The following PCDHA5 variants were observed in gnomAD, a reference collection of about 807,000 sequenced individuals.
PCDHA5 encodes protocadherin alpha 5.
PCDHA5 carries 43 observed loss-of-function variants against 61.6 expected under a neutral mutation model. That is an observed-to-expected ratio of 0.70 (90% CI 0.55 to 0.90). The LOEUF (loss-of-function observed/expected upper bound fraction) is 0.90, where lower values mean the gene tolerates loss of function less well. Ranked by LOEUF, PCDHA5 falls within the 40% of genes least tolerant of loss-of-function variation. The pLI, the probability that PCDHA5 is intolerant of heterozygous loss-of-function variation, is 0.00. For synonymous variants in PCDHA5, 627 were observed against 543.9 expected, an observed-to-expected ratio of 1.15 and a Z score of -2.13; for missense variants, 1,298 against 1,222.7, an observed-to-expected ratio of 1.06 and a Z score of -0.92.
intron 3 of PCDHA5, among the ~76,000 whole-genome samples, chr5:140,985,060 C>A (rs1377386395): frequency 6.6e-6 from 1 of 152,066 alleles, no homozygotes; most frequent in Admixed American, 6.5e-5. Flanking sequence ...GCCTCAGCCT[C>A]CTGAGTAGCT....
intron 1 of PCDHA5, among the ~76,000 whole-genome samples, chr5:140,908,042 C>T (rs2073761027): frequency 1.3e-5 from 2 of 152,196 alleles, no homozygotes; most frequent in African/African-American, 2.4e-5. Context: ...TATATAATTG[C>T]ACATCCGGCC....
At chr5:140,929,050 C>T (rs946542782) in intron 1 of PCDHA5, 11 of 1,614,026 alleles carry the variant, frequency 6.8e-6, no homozygotes, top group African/African-American at 5.3e-5. Flanking sequence ...GAGCTGCTGT[C>T]GCTCTACAGA....
Position 140,823,502 on chromosome 5 carries a change from T to A in PCDHA5, c.1727T>A (p.Val576Glu). ...VPRVGGTGGA[V>E]SELVPRSVGA... ...CGAGTGGGTGGCACCGGCGGCGCAG[T>A]GAGCGAGCTGGTGCCGAGGTCAGTG... The change falls in exon 1 of 4, where the codon GTG (valine) becomes GAG (glutamate). Residue 576 changes from valine (V) to glutamate (E), a missense_variant. Val to Glu is a moderately radical substitution (Grantham distance 121). Transcript: ENST00000529859. 1.4e-5 allele frequency: 23 copies of A among 1,613,260 alleles called. No individual in the cohort carries two copies. Among genetic ancestry groups the A allele is most frequent in the Non-Finnish European group, 1.9e-5 (23 of 1,179,684 alleles).
chr5:140,878,583 T>C (rs1355382396), intron 1 of PCDHA5, among the ~76,000 whole-genome samples: 1 of 152,236 alleles, frequency 6.6e-6, no homozygotes, highest in African/African-American at 2.4e-5. Context: ...CACTGCCCTG[T>C]GCCTATTACC....
At chr5:140,832,585 T>G (rs1306103831) in intron 1 of PCDHA5, among the ~76,000 whole-genome samples, 1 of 152,188 alleles carries the variant, frequency 6.6e-6, no homozygotes, top group Admixed American at 6.5e-5. Flanking sequence ...TCTTAGGAAG[T>G]AGAGAACTAT....
Position 140,823,715 on chromosome 5 carries a change from TG to T in PCDHA5, c.1942del (p.Val648CysfsTer3). On this transcript the variant is annotated frameshift_variant, in exon 1 of 4. Coordinates refer to ENST00000529859, the MANE Select transcript of PCDHA5 (RefSeq NM_018908.3). LOFTEE classifies it high-confidence loss of function. Reference protein sequence around the residue: ...DETEAPRHRLLVLVKDHGEPP... With the variant: ...DETEAPRHRLXVLVKDHGEPP... The stretch of plus-strand genomic sequence containing the variant: ...ACCGAAGCACCGCGCCACCGCCTTC[TG>T]GTGCTGGTGAAGGACCATGGAGAGC... The T allele has an allele frequency of 1.2e-6, 2 of 1,613,918 alleles. No individual in the cohort carries two copies. Among genetic ancestry groups the T allele is most frequent in the Non-Finnish European group, 1.7e-6 (2 of 1,179,930 alleles).
intron 1 of PCDHA5, chr5:140,858,198 C>T (rs1418909754): frequency 1.9e-6 from 3 of 1,597,294 alleles, no homozygotes; most frequent in African/African-American, 2.7e-5. Flanking sequence ...CTGCTGTACA[C>T]TGCACTGAGG....
intron 1 of PCDHA5, among the ~76,000 whole-genome samples, chr5:140,934,801 A>G (rs1470129792): frequency 1.3e-5 from 2 of 152,194 alleles, no homozygotes; most frequent in Non-Finnish European, 2.9e-5. Flanking sequence ...TATCTTTTTA[A>G]TGATCAAATT....
intron 3 of PCDHA5, among the ~76,000 whole-genome samples, chr5:140,985,009 C>T (rs567801905): frequency 9.3e-4 from 141 of 152,162 alleles, no homozygotes; most frequent in African/African-American, 3.3e-3. Flanking sequence ...ACGATATCGG[C>T]TCACAGCAAC....
intron 1 of PCDHA5, chr5:140,841,803 A>C (rs1311079057): frequency 6.2e-7 from 1 of 1,613,804 alleles, no homozygotes; most frequent in African/African-American, 1.3e-5. Flanking sequence ...TCCGATGCAG[A>C]TGTTGGAGCT....
Position 140,821,989 on chromosome 5 carries a change from G to C in PCDHA5, c.214G>C (p.Asp72His), listed in dbSNP as rs2150112697. 2 of 1,614,206 alleles carry C rather than the reference G, an allele frequency of 1.2e-6. No homozygotes were observed. The highest frequency in any genetic ancestry group is 1.1e-5 in the South Asian group (1 of 91,086). The change falls in exon 1 of 4, where the codon GAC becomes CAC. Residue 72 changes from aspartate to histidine, a missense_variant. Coordinates refer to ENST00000529859, the MANE Select transcript of PCDHA5 (RefSeq NM_018908.3). ...CCGGGTGGCGTCCAAGGGCCGCGGGGACCTTCTGGAGGTAAATCTGCAGAA... is the reference window on the plus strand; with the variant it reads ...CCGGGTGGCGTCCAAGGGCCGCGGGCACCTTCTGGAGGTAAATCTGCAGAA... ...LFRVASKGRG[D>H]LLEVNLQNGI...
intron 1 of PCDHA5, chr5:140,860,899 G>C (rs940246442): frequency 6.6e-6 from 1 of 152,256 alleles, no homozygotes; most frequent in Admixed American, 6.6e-5. Flanking sequence ...CAACACGCCA[G>C]GCTAATTTTT....
rs1581182642 is a variant in PCDHA5 at position 140,849,406 on chromosome 5, T to A, written c.2352+25279T>A. ...GACCCCTTAAGTGGGGCAATCACAG[T>A]GATAGGACATATGGATTTTGAAGAA... On this transcript the variant is annotated intron_variant, in intron 1 of 3. Transcript: ENST00000529859. 1.3e-5 allele frequency: 20 copies of A among 1,558,610 alleles called. 3 individuals carry two copies. The highest frequency in any genetic ancestry group is 7.2e-5 in the African/African-American group (5 of 69,302).
chr5:140,843,689 G>A lies in PCDHA5; in HGVS notation c.2352+19562G>A, dbSNP rs2150365146. 5 of 1,587,152 alleles carry A rather than the reference G, an allele frequency of 3.2e-6. 1 individual carries two copies. The highest frequency in any genetic ancestry group is 4.3e-6 in the Non-Finnish European group (5 of 1,157,468). On this transcript the variant is annotated intron_variant, in intron 1 of 3. Coordinates refer to ENST00000529859, the MANE Select transcript of PCDHA5 (RefSeq NM_018908.3). ...ATCAGTTGATGTAGGCGAAGAGCAAGATTTAAATGTTGATCATGGCCTCAA... is the reference window on the plus strand; with the variant it reads ...ATCAGTTGATGTAGGCGAAGAGCAAAATTTAAATGTTGATCATGGCCTCAA...
At chr5:140,833,518 C>A (rs1772496743) in intron 1 of PCDHA5, among the ~76,000 whole-genome samples, 2 of 152,126 alleles carry the variant, frequency 1.3e-5, no homozygotes, top group Non-Finnish European at 2.9e-5. Flanking sequence ...GGCATATATT[C>A]ATAACACACA....
intron 1 of PCDHA5, chr5:140,882,453 G>C: frequency 1.2e-6 from 2 of 1,614,042 alleles, no homozygotes; most frequent in South Asian, 2.2e-5. Flanking sequence ...CTGGTGCCGC[G>C]CCTGTTCCGG....
At chr5:140,882,361 C>T (rs2059095511) in intron 1 of PCDHA5, 1 of 1,614,204 alleles carries the variant, frequency 6.2e-7, no homozygotes, top group Non-Finnish European at 8.5e-7. Context: ...GTGGCCAGCT[C>T]CACTACTCCG....
chr5:140,875,642 C>T (rs2153326944), intron 1 of PCDHA5: 3 of 1,613,606 alleles, frequency 1.9e-6, no homozygotes, highest in East Asian at 4.5e-5. Context: ...CTGGAGCTGG[C>T]GGAGCTGGTG....
At chr5:140,919,593 T>C (rs541275874) in intron 1 of PCDHA5, among the ~76,000 whole-genome samples, 1 of 152,214 alleles carries the variant, frequency 6.6e-6, no homozygotes, top group Non-Finnish European at 1.5e-5. Context: ...TGGTAATTTT[T>C]AAAATAAATT....
Sources: gnomAD v4.1 joint callset for allele counts (sites outside exome capture counted in the v4.1 genomes callset) on GRCh38, gnomAD v4.1.1 for gene constraint, MANE v1.5 for transcripts, NCBI Gene and HGNC (gene_info 2026-07-23, HGNC 2026-07-21) for gene names.